Variants in KCP observed in about 807,000 individuals in gnomAD.
KCP encodes the protein kielin cysteine rich BMP regulator.
Under a neutral mutation model 212.7 loss-of-function variants are expected in KCP, and 194 were observed. The ratio of observed to expected loss-of-function variants is 0.91; its 90% CI spans 0.81 to 1.03. KCP has a LOEUF of 1.03. Ranked by LOEUF, KCP falls within the 50% of genes least tolerant of loss-of-function variation. The pLI, the probability that KCP is intolerant of heterozygous loss-of-function variation, is 0.00. For synonymous variants in KCP, 833 were observed against 865.3 expected, an observed-to-expected ratio of 0.96 and a Z score of 0.65; for missense variants, 2,080 against 2,162.5, an observed-to-expected ratio of 0.96 and a Z score of 0.76.
chr7:128,885,171 C>T lies in KCP; in HGVS notation c.2966G>A (p.Cys989Tyr). The change falls in exon 27 of 40, where the codon TGT becomes TAT. Residue 989 changes from cysteine (C) to tyrosine (Y), a missense_variant. Coordinates refer to ENST00000610776, the MANE Select transcript of KCP (RefSeq NM_001366122.1). Reference sequence around the variant, plus strand: ...AGAGCTGATGCACTGGATGCGTGCACAGGTGACGACGCCCTCGTGACACAC... The same window carrying T: ...AGAGCTGATGCACTGGATGCGTGCATAGGTGACGACGCCCTCGTGACACAC... ...SCVCHEGVVT[C>Y]ARIQCISSCA... 1 of 1,550,850 alleles carries T rather than the reference C, an allele frequency of 6.4e-7. No individual in the cohort carries two copies. The highest frequency in any genetic ancestry group is 8.7e-7 in the Non-Finnish European group (1 of 1,147,002).
chr7:128,890,091 A>C lies in KCP; in HGVS notation c.2335+252T>G, dbSNP rs1350799639. The stretch of plus-strand genomic sequence containing the variant: ...GAGGCACCACGACCAGCTGATTTTA[A>C]ATTTTTTGTGTAGAGACAAGATCTC... On this transcript the variant is annotated intron_variant, in intron 21 of 39. Coordinates refer to ENST00000610776, the MANE Select transcript of KCP (RefSeq NM_001366122.1). 4 of 572,460 alleles carry C rather than the reference A, an allele frequency of 7.0e-6. No homozygotes were observed. The East Asian group carries it at 1.3e-4, about 19-fold the overall frequency. 35.5% of individuals were successfully genotyped at this position (572,460 alleles called of 1,614,324 possible). A position where few individuals can be genotyped will look rare whatever the true frequency, so the allele number is the denominator to read the frequency against.
rs1393919188 is a variant in KCP, at chr7:128,890,929, C to T, written c.2140G>A (p.Gly714Arg). The T allele has an allele frequency of 8.0e-6, 10 of 1,246,244 alleles. No homozygotes were observed. In the African/African-American group the frequency reaches 9.4e-5, roughly 12 times the overall value. The allele number at this position is 1,246,244 out of a possible 1,614,324, so 77.2% of individuals were successfully genotyped here. A position where few individuals can be genotyped will look rare whatever the true frequency, so the allele number is the denominator to read the frequency against. ...CCGTCGCAGGAGGGGCAGCAAGGCC[C>T]CTGGCGCGGGTGCGCGCAGGGCGCG... is the stretch of plus-strand genomic sequence containing the variant. Reference protein sequence around the residue: ...PPAPCAHPRQGPCCPSCDGCL... With the variant: ...PPAPCAHPRQRPCCPSCDGCL... Residue 714 changes from glycine (G) to arginine (R), a missense_variant, in exon 20 of 40, where the codon GGG becomes AGG. Coordinates refer to ENST00000610776, the MANE Select transcript of KCP (RefSeq NM_001366122.1).
At chr7:128,910,541 G>T in intron 1 of KCP, 60 bp downstream of exon 1, 2 of 1,434,452 alleles carry the variant, frequency 1.4e-6, no homozygotes, top group East Asian at 2.7e-5. Context: ...CTCAGGCCGG[G>T]CTGATAGGAG....
chr7:128,887,795 A>G lies in KCP; in HGVS notation c.2513-495T>C, dbSNP rs569912640. 3.3e-5 allele frequency among the ~76,000 whole-genome samples: 5 copies of G among 149,936 alleles called. No homozygotes were observed. The South Asian group carries it at 8.5e-4, about 26-fold the overall frequency. On this transcript the variant is annotated intron_variant, in intron 22 of 39. Transcript: ENST00000610776. The stretch of plus-strand genomic sequence containing the variant: ...CACACACACACATACACGCACCCAC[A>G]TACACACATACCCATATACACAGCC...
At chr7:128,908,303 A>AAAGG (rs1795261254) in intron 2 of KCP, 123 bp downstream of exon 2, 2 of 704,890 alleles carry the variant, frequency 2.8e-6, no homozygotes, top group Admixed American at 4.1e-5. Context: ...AGAAAGAAAG[A>AAAGG]AAGGGAATTG....
At chr7:128,884,311 G>A (rs1292133883) in intron 28 of KCP, among the ~76,000 whole-genome samples, 189 bp from the exon 29 acceptor site, 1 of 152,228 alleles carries the variant, frequency 6.6e-6, no homozygotes, top group East Asian at 1.9e-4. Context: ...CCTAGTCTCT[G>A]AGATGATGTC....
intron 1 of KCP, among the ~76,000 whole-genome samples, chr7:128,910,324 A>T (rs150390148): frequency 5.5e-4 from 83 of 152,124 alleles, no homozygotes; most frequent in Non-Finnish European, 1.1e-3. Flanking sequence ...CAAGACAAAT[A>T]ATTAACTTCA....
intron 6 of KCP, 68 bp downstream of exon 6, chr7:128,903,988 C>T (rs2128950137): frequency 6.9e-7 from 1 of 1,442,738 alleles, no homozygotes; most frequent in Non-Finnish European, 9.5e-7. Flanking sequence ...GAGTGGCAGG[C>T]AGGGCCCAGG....
At chr7:128,884,681 TG>T in intron 28 of KCP, 99 bp downstream of exon 28, 1 of 1,095,822 alleles carries the variant, frequency 9.1e-7, no homozygotes, top group South Asian at 1.4e-5. Flanking sequence ...GCCCCCAGAG[TG>T]CCTGCTCCAT....
intron 2 of KCP, 98 bp downstream of exon 2, chr7:128,908,328 C>A: frequency 9.4e-7 from 1 of 1,067,350 alleles, no homozygotes; most frequent in Non-Finnish European, 1.3e-6. Flanking sequence ...GATAAGAGCT[C>A]TATTTTAGGC....
At chr7:128,894,113 C>A (rs1374942231) in intron 9 of KCP, 58 bp from the exon 10 acceptor site, 2 of 1,523,482 alleles carry the variant, frequency 1.3e-6, no homozygotes, top group African/African-American at 2.8e-5. Flanking sequence ...CCTCTCCTGG[C>A]CTTCATGGGC....
rs1330109655 is a variant in KCP at position 128,885,135 on chromosome 7, G to A, written c.3002C>T (p.Pro1001Leu). 6.4e-7 allele frequency: 1 copy of A among 1,550,868 alleles called. No homozygotes were observed. Among genetic ancestry groups the A allele is most frequent in the Admixed American group, 2.0e-5 (1 of 51,012 alleles). ...RIQCISSCAQ[P>L]RQGPHDCCPQ... ...ACAGCAGTCATGGGGCCCTTGGCGG[G>A]GCTGGGCGCAAGAGCTGATGCACTG... The change falls in exon 27 of 40, where the codon CCC becomes CTC. Residue 1001 changes from proline to leucine, a missense_variant. By Grantham distance (98) the Pro-to-Leu change is moderately conservative (BLOSUM62 -3). Coordinates refer to ENST00000610776, the MANE Select transcript of KCP (RefSeq NM_001366122.1).
At chr7:128,910,479 G>A (rs1257560329) in intron 1 of KCP, 122 bp downstream of exon 1, 9 of 911,236 alleles carry the variant, frequency 9.9e-6, no homozygotes, top group South Asian at 5.8e-5. Flanking sequence ...CCAGGGAGGC[G>A]CGCGAACCTC....
At chr7:128,907,484 G>A in intron 2 of KCP, 31 bp from the exon 3 acceptor site, 3 of 1,396,698 alleles carry the variant, frequency 2.1e-6, no homozygotes, top group Non-Finnish European at 2.8e-6. Flanking sequence ...AGCAGGCACT[G>A]GCTCAGCTTC....
In KCP at chr7:128,906,363, C is replaced by T. The variant is rs1239649390; in HGVS notation, c.487G>A (p.Glu163Lys). 2 of 1,546,846 alleles carry T rather than the reference C, an allele frequency of 1.3e-6. No individual in the cohort carries two copies. Among genetic ancestry groups the T allele is most frequent in the Non-Finnish European group, 1.7e-6 (2 of 1,144,192 alleles). Residue 163 changes from glutamate (E) to lysine (K), a missense_variant and splice_region_variant, in exon 5 of 40, where the codon GAA (glutamate) becomes AAA (lysine). Glu to Lys is a moderately conservative substitution (Grantham distance 56). Transcript: ENST00000610776. ...TTCTGGTTGCAAGTGATGGTACCTT[C>T]CTGTGGGAGCAGACTGAGGTGGCTG... ...PDACTTCRCL[E>K]GTITCNQKPC...
chr7:128,904,555 C>T (rs1331620528), intron 5 of KCP, among the ~76,000 whole-genome samples: 3 of 152,256 alleles, frequency 2.0e-5, no homozygotes, highest in Non-Finnish European at 4.4e-5. Context: ...CAGTAGCAGC[C>T]CTGCCTAGCC....
Position 128,877,504 on chromosome 7 carries a change from C to T in KCP, c.4598G>A (p.Trp1533Ter), listed in dbSNP as rs1232606903. The change falls in exon 39 of 40, where the codon TGG (tryptophan) becomes TAG (stop). Residue 1533 changes from tryptophan (W) to a stop codon, truncating the protein, a stop_gained. Coordinates refer to ENST00000610776, the MANE Select transcript of KCP (RefSeq NM_001366122.1). LOFTEE classifies it high-confidence loss of function. ...CTCACCACACAGCGTGGGGCCTCGC[C>T]AGGTAGGTGTCACTCCTGCCTGGCG... ...HCRQAGVTPTWRGPTLCVVGC... is the reference protein window; with the variant it reads ...HCRQAGVTPT 7 of 1,551,238 alleles carry T rather than the reference C, an allele frequency of 4.5e-6. No homozygotes were observed. The highest frequency in any genetic ancestry group is 6.1e-6 in the Non-Finnish European group (7 of 1,146,952).
chr7:128,891,276 G>A lies in KCP; in HGVS notation c.1881C>T (p.Ser627=), dbSNP rs934844819. The A allele has an allele frequency of 1.9e-6, 3 of 1,547,096 alleles. No individual in the cohort carries two copies. The highest frequency in any genetic ancestry group is 1.4e-5 in the African/African-American group (1 of 73,004). ...GGCGGGCCAGGCACTGCACGTTGCC[G>A]CTCTACGGACCGACAGACGCACCAC... ...SDPCRLCRCL[S]GNVQCLARRC... Residue 627 remains serine (S), a splice_region_variant and synonymous_variant, in exon 19 of 40, where the codon AGC becomes AGT. Transcript: ENST00000610776.
intron 29 of KCP, among the ~76,000 whole-genome samples, chr7:128,883,123 A>C (rs944135190): frequency 8.6e-5 from 13 of 151,970 alleles, no homozygotes; most frequent in Non-Finnish European, 1.8e-4. Context: ...TATCATTAAA[A>C]AAAAAAGTAT....
Sources: allele counts gnomAD v4.1 joint callset (sites outside exome capture counted in the v4.1 genomes callset), GRCh38; gene constraint gnomAD v4.1.1; transcripts MANE v1.5; gene names NCBI Gene and HGNC (gene_info 2026-07-23, HGNC 2026-07-21).